The following PDE2A variants were observed in gnomAD, a reference collection of about 807,000 sequenced individuals.
The protein encoded by PDE2A is phosphodiesterase 2A, also known as cGMP-dependent 3',5'-cyclic phosphodiesterase.
Under a neutral mutation model 133.6 loss-of-function variants are expected in PDE2A, and 53 were observed. The ratio of observed to expected loss-of-function variants is 0.40; its 90% CI spans 0.32 to 0.50. The LOEUF (loss-of-function observed/expected upper bound fraction) is 0.50. Ranked by LOEUF, PDE2A falls within the 20% of genes least tolerant of loss-of-function variation. The pLI is 0.73. For synonymous variants in PDE2A, 491 were observed against 490.2 expected (o/e 1.00, Z -0.02); for missense variants, 796 against 1,232.4 (o/e 0.65, Z 5.30).
chr11:72,590,313 C>T lies in PDE2A; in HGVS notation c.704-69G>A. ...CTCCGTGTCCGGGTCCCTCAGGCGC[C>T]GCTCAGCTCCGCGCCGGGCCCGCCG... On this transcript the variant is annotated intron_variant, in intron 8 of 30. Transcript: ENST00000334456. The surrounding 1 kb of genome is among the most constrained non-coding windows in gnomAD (Gnocchi z 4.8). The T allele has an allele frequency of 6.5e-7, 1 of 1,538,136 alleles. No individual in the cohort carries two copies. Among genetic ancestry groups the T allele is most frequent in the Non-Finnish European group, 8.8e-7 (1 of 1,135,874 alleles).
intron 2 of PDE2A, chr11:72,635,964 TCTCAGCCC>T (rs1298904791): frequency 8.3e-7 from 1 of 1,206,558 alleles, no homozygotes; most frequent in East Asian, 6.0e-5. Context: ...CACCACGAGA[TCTCAGCCC>T]CTCTTACCCT....
intron 1 of PDE2A, among the ~76,000 whole-genome samples, chr11:72,644,265 GC>G (rs1859066413): frequency 6.6e-6 from 1 of 152,188 alleles, no homozygotes. Flanking sequence ...AGTGATCTGG[GC>G]CAAGTCAATG....
chr11:72,656,937 T>C (rs1448032835), intron 1 of PDE2A, among the ~76,000 whole-genome samples: 1 of 151,902 alleles, frequency 6.6e-6, no homozygotes, highest in African/African-American at 2.4e-5. Flanking sequence ...AACTTCAAAC[T>C]CCTCACTGCA....
At chr11:72,655,141 C>T (rs564295321) in intron 1 of PDE2A, among the ~76,000 whole-genome samples, 11 of 152,296 alleles carry the variant, frequency 7.2e-5, no homozygotes, top group Non-Finnish European at 1.0e-4. Flanking sequence ...ACACCAGCCT[C>T]GCCCCACACA....
At chr11:72,580,288 G>A (rs543075854) in intron 25 of PDE2A, among the ~76,000 whole-genome samples, 3 of 152,326 alleles carry the variant, frequency 2.0e-5, no homozygotes, top group South Asian at 4.1e-4. Flanking sequence ...CTAAGGTGAC[G>A]CTAAGTGATG....
chr11:72,577,376 G>A lies in PDE2A; in HGVS notation c.*8C>T. The A allele has an allele frequency of 1.2e-6, 2 of 1,607,140 alleles. No homozygotes were observed. The highest frequency in any genetic ancestry group is 1.7e-6 in the Non-Finnish European group (2 of 1,174,892). On this transcript the variant is annotated 3_prime_UTR_variant, in exon 31 of 31. Transcript: ENST00000334456. ...GTGGCCTGGGCAGGGAAGTGTCCCTGGAGGGGATCACTCAGCATCAAGGCT... is the reference window on the plus strand; with the variant it reads ...GTGGCCTGGGCAGGGAAGTGTCCCTAGAGGGGATCACTCAGCATCAAGGCT...
At chr11:72,663,923 T>C (rs1855151780) in intron 1 of PDE2A, among the ~76,000 whole-genome samples, 1 of 152,174 alleles carries the variant, frequency 6.6e-6, no homozygotes, top group Non-Finnish European at 1.5e-5. Flanking sequence ...CTTTTGCTGC[T>C]GGGTTGTGTG....
chr11:72,638,419 G>A (rs1293574114), intron 2 of PDE2A, among the ~76,000 whole-genome samples: 2 of 152,212 alleles, frequency 1.3e-5, no homozygotes, highest in African/African-American at 4.8e-5. Context: ...GGGTAGAGGA[G>A]AGACCCGGGC....
Position 72,584,486 on chromosome 11 carries a change from C to T in PDE2A, c.1537+65G>A, listed in dbSNP as rs148038373. 7 of 1,517,412 alleles carry T rather than the reference C, an allele frequency of 4.6e-6. No homozygotes were observed. In the East Asian group the frequency reaches 9.8e-5, roughly 21 times the overall value. The allele number at this position is 1,517,412 out of a possible 1,614,324, so 94.0% of individuals were successfully genotyped here. ...AGGCGGTGGGGAAGTGTTGCCACCC[C>T]CGCTCGCTCGGACCCGCCCCGCCCG... On this transcript the variant is annotated intron_variant, in intron 18 of 30. Coordinates refer to ENST00000334456, the MANE Select transcript of PDE2A (RefSeq NM_002599.5).
At chr11:72,639,780 TA>T (rs1293013601) in intron 2 of PDE2A, among the ~76,000 whole-genome samples, 1 of 151,908 alleles carries the variant, frequency 6.6e-6, no homozygotes, top group Non-Finnish European at 1.5e-5. Context: ...GGGCAAAGGG[TA>T]GGGGCAGCTG....
At chr11:72,637,091 C>G (rs1858733743) in intron 2 of PDE2A, among the ~76,000 whole-genome samples, 1 of 137,414 alleles carries the variant, frequency 7.3e-6, no homozygotes. Context: ...TCTCTCCCCT[C>G]TGTCCAGAAC....
chr11:72,621,243 A>G (rs1169300612), intron 2 of PDE2A, among the ~76,000 whole-genome samples: 1 of 152,140 alleles, frequency 6.6e-6, no homozygotes, highest in Non-Finnish European at 1.5e-5. Context: ...GTATTCAGAG[A>G]AGGGAGGAGC....
chr11:72,595,635 G>A (rs1277797342), intron 6 of PDE2A, among the ~76,000 whole-genome samples: 1 of 152,056 alleles, frequency 6.6e-6, no homozygotes, highest in Non-Finnish European at 1.5e-5. Context: ...AGCTGGAGAG[G>A]AGTCCCCGGG....
chr11:72,674,099 C>T, intron 1 of PDE2A, 38 bp downstream of exon 1: 1 of 1,602,414 alleles, frequency 6.2e-7, no homozygotes, highest in Non-Finnish European at 8.5e-7. Context: ...TGGCACCTCT[C>T]ACAGCCGCTC....
In PDE2A at chr11:72,596,573, C is replaced by T. The variant is rs769402442; in HGVS notation, c.489+20G>A. The T allele has an allele frequency of 1.4e-6, 2 of 1,446,576 alleles. No individual in the cohort carries two copies. The highest frequency in any genetic ancestry group is 9.2e-7 in the Non-Finnish European group (1 of 1,086,708). The allele number at this position is 1,446,576 out of a possible 1,614,324, so 89.6% of individuals were successfully genotyped here. On this transcript the variant is annotated intron_variant, in intron 6 of 30. Transcript: ENST00000334456. ...CATGGTCTCCTCTCCCTACATCCCACCGCCTAGGCAGGCTCTTACCAAGAT... is the reference window on the plus strand; with the variant it reads ...CATGGTCTCCTCTCCCTACATCCCATCGCCTAGGCAGGCTCTTACCAAGAT...
intron 2 of PDE2A, among the ~76,000 whole-genome samples, chr11:72,641,447 G>A (rs576302143): frequency 9.8e-5 from 15 of 152,320 alleles, no homozygotes; most frequent in Non-Finnish European, 1.8e-4. Context: ...ACCCCAAAAC[G>A]AAGATGGAGA....
At chr11:72,648,240 C>A (rs1391792563) in intron 1 of PDE2A, among the ~76,000 whole-genome samples, 2 of 152,152 alleles carry the variant, frequency 1.3e-5, no homozygotes, top group Non-Finnish European at 2.9e-5. Flanking sequence ...AGGAGAGGTA[C>A]CTTCTGCCCA....
intron 1 of PDE2A, among the ~76,000 whole-genome samples, chr11:72,657,142 G>A (rs1349139225): frequency 1.3e-5 from 2 of 152,064 alleles, no homozygotes; most frequent in Non-Finnish European, 1.5e-5. Context: ...GGCCCAGCTG[G>A]GTCAGGCCCT....
intron 2 of PDE2A, among the ~76,000 whole-genome samples, chr11:72,640,237 T>C (rs190248730): frequency 6.6e-6 from 1 of 151,268 alleles, no homozygotes; most frequent in East Asian, 2.0e-4. Flanking sequence ...CCAATTAAAT[T>C]CAATACGCAC....
Sources: gnomAD v4.1 joint callset for allele counts (sites outside exome capture counted in the v4.1 genomes callset) on GRCh38, gnomAD v4.1.1 for gene constraint, Gnocchi (gnomAD v3.1) non-coding constraint, MANE v1.5 for transcripts, NCBI Gene and HGNC (gene_info 2026-07-23, HGNC 2026-07-21) for gene names.